EML1: variants seen among roughly 807,000 people sequenced by gnomAD.
EML1 encodes EMAP like 1, also known as echinoderm microtubule-associated protein-like 1.
In EML1, 27 loss-of-function variants were observed where a neutral mutation model predicts 110.4. The ratio of observed to expected loss-of-function variants is 0.24; its 90% confidence interval spans 0.18 to 0.34. The LOEUF (loss-of-function observed/expected upper bound fraction) is 0.34, where lower values mean the gene tolerates loss of function less well. Ranked by LOEUF, EML1 falls within the 10% of genes least tolerant of loss-of-function variation. EML1 has a pLI of 1.00. For missense variants in EML1, 741 were observed against 1,030.9 expected (o/e 0.72, Z 3.85); for synonymous variants, 344 against 385.8 (o/e 0.89, Z 1.27).
intron 15 of EML1, among the ~76,000 whole-genome samples, chr14:99,916,410 G>A (rs1246042409): frequency 1.3e-5 from 2 of 152,178 alleles, no homozygotes; most frequent in Admixed American, 1.3e-4. Flanking sequence ...CATATATCAA[G>A]TTTCTTTCTC....
intron 1 of EML1, among the ~76,000 whole-genome samples, chr14:99,809,891 G>A (rs2058046191): frequency 6.6e-6 from 1 of 152,200 alleles, no homozygotes; most frequent in Non-Finnish European, 1.5e-5. Flanking sequence ...TATGGTGTAT[G>A]CCCTGGACTT....
chr14:99,750,872 G>A (rs1353650908), intron 1 of EML1, among the ~76,000 whole-genome samples: 1 of 152,074 alleles, frequency 6.6e-6, no homozygotes, highest in Non-Finnish European at 1.5e-5. Context: ...TGGAAGGCTG[G>A]GGTGGCCTGG....
At chr14:99,931,587 G>A (rs1175164958) in intron 17 of EML1, among the ~76,000 whole-genome samples, 1 of 152,194 alleles carries the variant, frequency 6.6e-6, no homozygotes, top group Non-Finnish European at 1.5e-5. Flanking sequence ...TTTCAGTGGA[G>A]TAAGTTTAGG....
intron 17 of EML1, among the ~76,000 whole-genome samples, chr14:99,926,787 A>G (rs577057601): frequency 6.7e-6 from 1 of 149,828 alleles, no homozygotes; most frequent in South Asian, 2.1e-4. Flanking sequence ...TCTGTCACCC[A>G]GGTTGGAGTG....
At chr14:99,925,627 G>A (rs1029302338) in intron 17 of EML1, among the ~76,000 whole-genome samples, 1 of 152,182 alleles carries the variant, frequency 6.6e-6, no homozygotes, top group Admixed American at 6.5e-5. Flanking sequence ...GTAAGGCTCC[G>A]TCCTCTGCCA....
At chr14:99,870,661 G>A (rs1321965548) in intron 3 of EML1, among the ~76,000 whole-genome samples, 1 of 152,080 alleles carries the variant, frequency 6.6e-6, no homozygotes, top group Non-Finnish European at 1.5e-5. Flanking sequence ...AAAATCCTAG[G>A]GCCCTTAAGA....
upstream of EML1, among the ~76,000 whole-genome samples, chr14:99,790,927 G>T (rs1053464659): frequency 8.8e-5 from 13 of 147,124 alleles, no homozygotes; most frequent in South Asian, 2.1e-4. Context: ...GTGTGATCTT[G>T]GCTCACTGCA....
At chr14:99,786,486 G>T (rs543941967) in intron 1 of EML1, among the ~76,000 whole-genome samples, 8 of 152,324 alleles carry the variant, frequency 5.3e-5, no homozygotes, top group African/African-American at 1.9e-4. Context: ...AGACAGACTT[G>T]TACACAAGTT....
At chr14:99,897,506 G>A (rs2059691492) in intron 7 of EML1, among the ~76,000 whole-genome samples, 1 of 152,178 alleles carries the variant, frequency 6.6e-6, no homozygotes, top group Non-Finnish European at 1.5e-5. Context: ...AAGAGGGTCT[G>A]AGGAAATGAG....
At position 99,813,707 on chromosome 14, in the gene EML1, T is replaced by TA. The variant is rs202106466; in HGVS notation, c.67+20174dup. On this transcript the variant is annotated intron_variant, in intron 1 of 21. Transcript: ENST00000262233. ...TGGGAGGCAGAGCAAGACTCTGTCT[T>TA]AAAAAAAAAATTTTTTTTTAACTAT... 1.6e-3 allele frequency among the ~76,000 whole-genome samples: 240 copies of TA among 151,426 alleles called. 3 individuals carry two copies. The highest frequency in any genetic ancestry group is 5.5e-3 in the African/African-American group (227 of 41,284).
At chr14:99,854,059 G>A (rs1299387010) in intron 2 of EML1, among the ~76,000 whole-genome samples, 1 of 152,182 alleles carries the variant, frequency 6.6e-6, no homozygotes, top group Non-Finnish European at 1.5e-5. Flanking sequence ...TGAGGTTTGG[G>A]TGTACAGCTT....
At chr14:99,886,430 G>A (rs931588628) in intron 4 of EML1, among the ~76,000 whole-genome samples, 3 of 151,802 alleles carry the variant, frequency 2.0e-5, no homozygotes, top group African/African-American at 4.8e-5. Flanking sequence ...GCCGTGAGCC[G>A]AGATCACACC....
intron 1 of EML1, among the ~76,000 whole-genome samples, chr14:99,823,770 G>T (rs2058303832): frequency 1.3e-5 from 2 of 152,110 alleles, no homozygotes; most frequent in Admixed American, 1.3e-4. Context: ...GTATGGTGAA[G>T]AACTAAAACA....
intron 12 of EML1, 72 bp from the exon 13 acceptor site, chr14:99,911,350 A>G (rs2059943213): frequency 6.6e-7 from 1 of 1,508,744 alleles, no homozygotes; most frequent in South Asian, 1.4e-5. Flanking sequence ...AACCTAAGTC[A>G]GATGAGATTA....
chr14:99,816,953 G>A (rs1293768128), intron 1 of EML1, among the ~76,000 whole-genome samples: 1 of 152,186 alleles, frequency 6.6e-6, no homozygotes, highest in African/African-American at 2.4e-5. Flanking sequence ...GAGTTATGCA[G>A]ACCTTCCAAA....
intron 1 of EML1, among the ~76,000 whole-genome samples, chr14:99,760,374 G>A (rs1365700759): frequency 6.6e-6 from 1 of 151,968 alleles, no homozygotes. Context: ...CCACCCTTAT[G>A]TCACAAGCAT....
intron 6 of EML1, among the ~76,000 whole-genome samples, chr14:99,896,119 A>T (rs960097578): frequency 1.3e-5 from 2 of 152,162 alleles, no homozygotes; most frequent in African/African-American, 4.8e-5. Flanking sequence ...CTTTAGAGGA[A>T]TCCTGCAGAG....
intron 6 of EML1, among the ~76,000 whole-genome samples, chr14:99,896,125 C>T (rs1243236271): frequency 6.6e-6 from 1 of 151,922 alleles, no homozygotes; most frequent in Non-Finnish European, 1.5e-5. Context: ...AGGAATCCTG[C>T]AGAGACCACC....
At chr14:99,782,044 C>T (rs1013262017) in intron 1 of EML1, among the ~76,000 whole-genome samples, 5 of 152,190 alleles carry the variant, frequency 3.3e-5, no homozygotes, top group African/African-American at 9.7e-5. Flanking sequence ...GCAGGAGGCC[C>T]GCAGCCCCAC....
Sources: allele counts gnomAD v4.1 joint callset (sites outside exome capture counted in the v4.1 genomes callset), GRCh38; gene constraint gnomAD v4.1.1; transcripts MANE v1.5; gene names NCBI Gene and HGNC (gene_info 2026-07-23, HGNC 2026-07-21).